CDC73: variants seen among roughly 807,000 people sequenced by gnomAD.
CDC73 encodes the protein cell division cycle 73.
CDC73 carries 21 observed loss-of-function variants against 83.7 expected under a neutral mutation model. The ratio of observed to expected loss-of-function variants is 0.25; its 90% CI spans 0.18 to 0.36. CDC73 has a LOEUF of 0.36. Ranked by LOEUF, CDC73 falls within the 10% of genes least tolerant of loss-of-function variation. The pLI, the probability that CDC73 is intolerant of heterozygous loss-of-function variation, is 1.00. For synonymous variants in CDC73, 224 were observed against 212.9 expected (o/e 1.05, Z -0.45); for missense variants, 342 against 653.3 (o/e 0.52, Z 5.19).
chr1:193,152,325 G>A (rs1485379127), intron 9 of CDC73, 55 bp from the exon 10 acceptor site: 13 of 1,078,808 alleles, frequency 1.2e-5, no homozygotes, highest in Non-Finnish European at 1.9e-5. Flanking sequence ...TTTGTTATAG[G>A]TCATAAGATA....
chr1:193,220,437 T>G (rs4657746), intron 13 of CDC73, among the ~76,000 whole-genome samples: 6,294 of 152,138 alleles, frequency 0.041, 413 homozygotes, highest in African/African-American at 0.14. Context: ...CATGAGCCAC[T>G]GTGCCTGGCC....
intron 10 of CDC73, among the ~76,000 whole-genome samples, chr1:193,192,400 G>A (rs1016403632): frequency 1.3e-5 from 2 of 152,152 alleles, no homozygotes; most frequent in Non-Finnish European, 2.9e-5. Context: ...CCGAGATCGC[G>A]CCACTGCACT....
chr1:193,159,968 G>A (rs1676280869), intron 10 of CDC73, among the ~76,000 whole-genome samples: 1 of 152,102 alleles, frequency 6.6e-6, no homozygotes, highest in Admixed American at 6.5e-5. Context: ...ACATATTCAT[G>A]TCAGGGAATT....
intron 15 of CDC73, among the ~76,000 whole-genome samples, chr1:193,241,717 C>A (rs919149577): frequency 1.3e-5 from 2 of 152,148 alleles, no homozygotes; most frequent in Non-Finnish European, 2.9e-5. Context: ...GGGAAAAGTG[C>A]TCAGGTGCCA....
At chr1:193,243,514 G>T (rs1677898823) in intron 15 of CDC73, among the ~76,000 whole-genome samples, 2 of 152,136 alleles carry the variant, frequency 1.3e-5, no homozygotes, top group African/African-American at 4.8e-5. Context: ...AAAGAAGACT[G>T]TAGGCCATTA....
At position 193,136,390 on chromosome 1, in the gene CDC73, CTGAGAAATGGATCTGA is replaced by C. The variant is rs1675800833; in HGVS notation, c.423+803_423+818del. ...TAATGTAATCTTAATTAAGGATATT[CTGAGAAATGGATCTGA>C]TATTTTTAAGAGATAATGATGATAA... On this transcript the variant is annotated intron_variant, in intron 5 of 16. Transcript: ENST00000367435. 5 of 189,862 alleles carry C rather than the reference CTGAGAAATGGATCTGA, an allele frequency of 2.6e-5. 1 individual carries two copies. The highest frequency in any genetic ancestry group is 2.3e-4 in the South Asian group (3 of 13,234). The allele number at this position is 189,862 out of a possible 1,614,324, so 11.8% of individuals were successfully genotyped here.
Position 193,126,006 on chromosome 1 carries a change from A to G in CDC73, c.237+789A>G, listed in dbSNP as rs956744614. On this transcript the variant is annotated intron_variant, in intron 2 of 16. Coordinates refer to ENST00000367435, the MANE Select transcript of CDC73 (RefSeq NM_024529.5). ...CCAGGCTTCTTAGTGCACGCTGGTA[A>G]TCCCAGCTACTTGGGACTCTAAGGC... Among the ~76,000 whole-genome samples the G allele has an allele frequency of 3.0e-4, 46 of 152,276 alleles. 1 individual carries two copies. Among genetic ancestry groups the G allele is most frequent in the African/African-American group, 1.1e-3 (45 of 41,548 alleles).
chr1:193,197,181 T>A (rs1260415770), intron 10 of CDC73, among the ~76,000 whole-genome samples: 1 of 152,200 alleles, frequency 6.6e-6, no homozygotes. Context: ...TCTACATCAT[T>A]TGAGATGACC....
rs866782642 is a variant in CDC73, at chr1:193,235,141, A to G, written c.1317-1115A>G. ...TTCACAGAGTTGCAAGGTGAAAACT[A>G]TTTTCATAATAATACTGAGATGGCT... On this transcript the variant is annotated intron_variant, in intron 14 of 16. Transcript: ENST00000367435. Among the ~76,000 whole-genome samples the G allele has an allele frequency of 5.3e-5, 8 of 152,070 alleles. 1 individual carries two copies. The South Asian group carries it at 6.2e-4, about 12-fold the overall frequency.
intron 10 of CDC73, among the ~76,000 whole-genome samples, chr1:193,163,607 A>G (rs1676380391): frequency 6.6e-6 from 1 of 152,190 alleles, no homozygotes; most frequent in Non-Finnish European, 1.5e-5. Flanking sequence ...GGTTAACTGC[A>G]GTAGACATAA....
chr1:193,131,277 C>T (rs886152081), intron 3 of CDC73, among the ~76,000 whole-genome samples: 8 of 152,200 alleles, frequency 5.3e-5, no homozygotes, highest in South Asian at 4.1e-4. Context: ...GGTAGTGAGA[C>T]GCTCTTCCTG....
chr1:193,139,171 A>G lies in CDC73; in HGVS notation c.512+998A>G, dbSNP rs560161530. ...AAATTCTTTCTTGAGTCCTTTTTGG[A>G]TAGTTTCTGTTGTGTTTTCAACTTT... On this transcript the variant is annotated intron_variant, in intron 6 of 16. Coordinates refer to ENST00000367435, the MANE Select transcript of CDC73 (RefSeq NM_024529.5). Among the ~76,000 whole-genome samples the G allele has an allele frequency of 4.6e-5, 7 of 152,038 alleles. No homozygotes were observed. The South Asian group carries it at 1.5e-3, about 32-fold the overall frequency.
rs1366235077 is a variant in CDC73, at chr1:193,162,197, TTGTATATAA to T, written c.972+9755_972+9763del. Among the ~76,000 whole-genome samples the T allele has an allele frequency of 1.6e-4, 17 of 105,050 alleles. 2 individuals are homozygous for T. The highest frequency in any genetic ancestry group is 6.5e-4 in the African/African-American group (16 of 24,704). 68.9% of individuals were successfully genotyped at this position (105,050 alleles called of 152,430 possible). On this transcript the variant is annotated intron_variant, in intron 10 of 16. Coordinates refer to ENST00000367435, the MANE Select transcript of CDC73 (RefSeq NM_024529.5). ...TATATATTATATATTATCTATTATA[TTGTATATAA>T]TATATATTATATATTATCTATTATA...
At chr1:193,229,753 A>G (rs1457905532) in intron 13 of CDC73, among the ~76,000 whole-genome samples, 1 of 152,220 alleles carries the variant, frequency 6.6e-6, no homozygotes, top group Non-Finnish European at 1.5e-5. Context: ...GATACATCCC[A>G]CAGCAGGTAT....
At chr1:193,224,897 A>G (rs1270913906) in intron 13 of CDC73, among the ~76,000 whole-genome samples, 1 of 152,114 alleles carries the variant, frequency 6.6e-6, no homozygotes, top group Non-Finnish European at 1.5e-5. Context: ...TCTTTAAAAA[A>G]AAATTTATTT....
chr1:193,138,248 G>A, intron 6 of CDC73, 75 bp downstream of exon 6: 1 of 979,600 alleles, frequency 1.0e-6, no homozygotes, highest in South Asian at 1.3e-5. Flanking sequence ...ATATTAAAAT[G>A]CTCTCCACAT....
Position 193,254,035 on chromosome 1 carries a change from CAAATT to C in CDC73, c.*3326_*3330del, listed in dbSNP as rs1246775498. ...ACAACAATTATTTATAAAAGCTAGT[CAAATT>C]AATGGCTTAGAAAGTAGCTGTAAAC... On this transcript the variant is annotated 3_prime_UTR_variant, in exon 17 of 17. Coordinates refer to ENST00000367435, the MANE Select transcript of CDC73 (RefSeq NM_024529.5). 1.2e-4 allele frequency: 27 copies of C among 223,094 alleles called. No homozygotes were observed. Among genetic ancestry groups the C allele is most frequent in the African/African-American group, 4.2e-4 (19 of 44,902 alleles). The allele number at this position is 223,094 out of a possible 1,614,324, so 13.8% of individuals were successfully genotyped here. A position where few individuals can be genotyped will look rare whatever the true frequency, so the allele number is the denominator to read the frequency against.
chr1:193,232,827 C>T lies in CDC73; in HGVS notation c.1155-166C>T, dbSNP rs140252535. Among the ~76,000 whole-genome samples the T allele has an allele frequency of 0.012, 1,834 of 151,954 alleles. 19 individuals are homozygous for T. The highest frequency in any genetic ancestry group is 0.033 in the South Asian group (161 of 4,808). The stretch of plus-strand genomic sequence containing the variant: ...CTGAGGCAGGAGAATCGCTTGAAAC[C>T]AGAAGGTGGAGGTTGCAGTGAGCCA... On this transcript the variant is annotated intron_variant, in intron 13 of 16. Coordinates refer to ENST00000367435, the MANE Select transcript of CDC73 (RefSeq NM_024529.5).
intron 13 of CDC73, among the ~76,000 whole-genome samples, chr1:193,217,003 G>T (rs1451393554): frequency 6.6e-6 from 1 of 151,282 alleles, no homozygotes; most frequent in African/African-American, 2.4e-5. Flanking sequence ...GCAAAAGCTG[G>T]AAGCATTCCC....
Sources: allele counts gnomAD v4.1 joint callset (sites outside exome capture counted in the v4.1 genomes callset), GRCh38; gene constraint gnomAD v4.1.1; transcripts MANE v1.5; gene names NCBI Gene and HGNC (gene_info 2026-07-23, HGNC 2026-07-21).